Variants in UNC13C observed in about 807,000 individuals in gnomAD.
UNC13C encodes the protein protein unc-13 homolog C.
Under a neutral mutation model 245.4 loss-of-function variants are expected in UNC13C, and 174 were observed. The observed-to-expected ratio is 0.71, with a 90% confidence interval of 0.63 to 0.80. The LOEUF is 0.80. Among genes scored for constraint, UNC13C ranks in the 30% least tolerant of loss-of-function variants. The pLI, the probability that UNC13C is intolerant of heterozygous loss-of-function variation, is 0.00. For synonymous variants in UNC13C, 992 were observed against 895.1 expected (o/e 1.11, Z -1.93); for missense variants, 2,829 against 2,602.9 (o/e 1.09, Z -1.89).
intron 4 of UNC13C, among the ~76,000 whole-genome samples, chr15:54,223,406 A>T (rs10851561): frequency 6.6e-6 from 1 of 151,958 alleles, no homozygotes; most frequent in African/African-American, 2.4e-5. Context: ...CACTGTTGAT[A>T]TATGGATTTG....
At chr15:54,579,285 C>T (rs1053537602) in intron 30 of UNC13C, among the ~76,000 whole-genome samples, 1 of 151,922 alleles carries the variant, frequency 6.6e-6, no homozygotes, top group Non-Finnish European at 1.5e-5. Flanking sequence ...CAAATGATCC[C>T]AACATGTCTA....
intron 4 of UNC13C, among the ~76,000 whole-genome samples, chr15:54,154,651 A>G (rs2032664574): frequency 6.6e-6 from 1 of 152,190 alleles, no homozygotes. Context: ...CAACATATAG[A>G]TATGAGGAGG....
intron 2 of UNC13C, among the ~76,000 whole-genome samples, chr15:54,031,087 C>A (rs551215992): frequency 1.1e-4 from 16 of 152,082 alleles, no homozygotes; most frequent in Non-Finnish European, 2.2e-4. Flanking sequence ...CATCCCCTGA[C>A]CTTCCTTTCA....
the UNC13C span, among the ~76,000 whole-genome samples, chr15:53,881,192 C>T: frequency 6.6e-6 from 1 of 152,014 alleles, no homozygotes; most frequent in Admixed American, 6.6e-5. Flanking sequence ...TTCTTTTGCT[C>T]TGTGAAGGAG....
At chr15:54,585,646 T>C (rs1380720288) in intron 30 of UNC13C, among the ~76,000 whole-genome samples, 2 of 152,160 alleles carry the variant, frequency 1.3e-5, no homozygotes, top group Non-Finnish European at 2.9e-5. Context: ...AATCTCCTCC[T>C]AACCCGGAAA....
At chr15:54,190,568 C>G (rs780082579) in intron 4 of UNC13C, among the ~76,000 whole-genome samples, 11 of 151,960 alleles carry the variant, frequency 7.2e-5, no homozygotes, top group Non-Finnish European at 1.0e-4. Flanking sequence ...AGGTCTTTAC[C>G]TACAAATATA....
chr15:54,528,408 G>A (rs1480892144), intron 25 of UNC13C, among the ~76,000 whole-genome samples: 1 of 151,434 alleles, frequency 6.6e-6, no homozygotes, highest in Non-Finnish European at 1.5e-5. Flanking sequence ...TATTTCGTAG[G>A]CATTATTTTG....
chr15:54,335,482 T>C (rs953482846), intron 16 of UNC13C, among the ~76,000 whole-genome samples: 1 of 152,158 alleles, frequency 6.6e-6, no homozygotes, highest in African/African-American at 2.4e-5. Context: ...TGTAGTCATA[T>C]AACCACCAGA....
intron 2 of UNC13C, among the ~76,000 whole-genome samples, chr15:54,038,122 A>ATTTTTTTTTTTTTT (rs1355738786): frequency 3.4e-4 from 17 of 50,246 alleles, no homozygotes; most frequent in South Asian, 1.1e-3. Flanking sequence ...ATATATATAT[A>ATTTTTTTTTTTTTT]TATTTTTTTT....
At chr15:54,125,767 G>C (rs540868427) in intron 2 of UNC13C, among the ~76,000 whole-genome samples, 1 of 152,212 alleles carries the variant, frequency 6.6e-6, no homozygotes, top group South Asian at 2.1e-4. Flanking sequence ...TGTCTTCTAA[G>C]TAGATTGACT....
chr15:54,389,413 T>C (rs2039906475), intron 17 of UNC13C, among the ~76,000 whole-genome samples: 1 of 152,238 alleles, frequency 6.6e-6, no homozygotes, highest in Admixed American at 6.5e-5. Context: ...GCAACCTGTC[T>C]GTGTTTGTGA....
At chr15:54,052,783 C>T (rs933405177) in intron 2 of UNC13C, among the ~76,000 whole-genome samples, 5 of 152,092 alleles carry the variant, frequency 3.3e-5, no homozygotes, top group Non-Finnish European at 7.4e-5. Flanking sequence ...AGTTAGTTTG[C>T]TTTCACTTGT....
At position 54,199,893 on chromosome 15, in the gene UNC13C, A is replaced by T. The variant is rs142895477; in HGVS notation, c.3072-35137A>T. 1.9e-3 allele frequency among the ~76,000 whole-genome samples: 293 copies of T among 152,250 alleles called. 1 individual carries two copies. Among genetic ancestry groups the T allele is most frequent in the Non-Finnish European group, 3.2e-3 (219 of 67,984 alleles). On this transcript the variant is annotated intron_variant, in intron 4 of 32. Transcript: ENST00000260323. ...CCTAAATGTTCTACTTAAAAGATAC[A>T]GAATGGCTGAATAGATGAAAATTTA...
chr15:54,204,414 G>T (rs1025905852), intron 4 of UNC13C, among the ~76,000 whole-genome samples: 4 of 151,400 alleles, frequency 2.6e-5, no homozygotes, highest in African/African-American at 9.7e-5. Context: ...GTAGTATAAG[G>T]GCTGTAGGCA....
chr15:54,041,547 T>C (rs920970210), intron 2 of UNC13C, among the ~76,000 whole-genome samples: 1 of 152,182 alleles, frequency 6.6e-6, no homozygotes, highest in East Asian at 1.9e-4. Context: ...TGGAACACCA[T>C]ACTCTTTTCA....
intron 2 of UNC13C, among the ~76,000 whole-genome samples, chr15:54,109,880 T>A (rs553533516): frequency 7.9e-5 from 12 of 152,212 alleles, no homozygotes; most frequent in African/African-American, 2.6e-4. Flanking sequence ...TCCATGAAAC[T>A]CACTCTGCTT....
At chr15:54,026,777 T>TA (rs1896127879) in intron 2 of UNC13C, among the ~76,000 whole-genome samples, 1 of 152,230 alleles carries the variant, frequency 6.6e-6, no homozygotes, top group African/African-American at 2.4e-5. Context: ...GACTGTTATA[T>TA]ATATTTATTC....
intron 10 of UNC13C, among the ~76,000 whole-genome samples, chr15:54,274,572 T>C (rs550183430): frequency 6.7e-6 from 1 of 148,710 alleles, no homozygotes; most frequent in South Asian, 2.1e-4. Context: ...TATTATCACA[T>C]AAATATCCAC....
chr15:53,897,842 C>T, the UNC13C span, among the ~76,000 whole-genome samples: 1 of 152,146 alleles, frequency 6.6e-6, no homozygotes, highest in Non-Finnish European at 1.5e-5. Flanking sequence ...TGACACTTTC[C>T]AGATTTATTT....
Sources: allele counts gnomAD v4.1 joint callset (sites outside exome capture counted in the v4.1 genomes callset), GRCh38; gene constraint gnomAD v4.1.1; transcripts MANE v1.5; gene names NCBI Gene and HGNC (gene_info 2026-07-23, HGNC 2026-07-21).